Variants in SLC45A4 observed in about 807,000 individuals in gnomAD.
SLC45A4 encodes polyamine-transporter SLC45A4.
A neutral mutation model predicts 63.7 loss-of-function variants in SLC45A4; 32 were observed. That is an observed-to-expected ratio of 0.50 (90% CI 0.38 to 0.67). The LOEUF (loss-of-function observed/expected upper bound fraction) is 0.67, where lower values mean the gene tolerates loss of function less well. Ranked by LOEUF, SLC45A4 falls within the 30% of genes least tolerant of loss-of-function variation. SLC45A4 has a pLI of 0.00. For missense variants in SLC45A4, 1,027 were observed against 1,157.7 expected, an observed-to-expected ratio of 0.89 and a Z score of 1.64; for synonymous variants, 535 against 510.0, an observed-to-expected ratio of 1.05 and a Z score of -0.66.
chr8:141,257,919 C>A (rs947893904), intron 1 of SLC45A4, among the ~76,000 whole-genome samples: 1 of 152,200 alleles, frequency 6.6e-6, no homozygotes, highest in Admixed American at 6.5e-5. Context: ...AAAAATGCTT[C>A]ACCCCTTGAT....
At chr8:141,289,594 T>G (rs1830275059) in intron 1 of SLC45A4, among the ~76,000 whole-genome samples, 1 of 152,164 alleles carries the variant, frequency 6.6e-6, no homozygotes. Flanking sequence ...CCGGCTGGCC[T>G]GCTGAGAAGC....
Position 141,229,399 on chromosome 8 carries a change from C to T in SLC45A4, c.242-7634G>A, listed in dbSNP as rs911715038. ...CACACCAGACTCCAACCGCCCACCC[C>T]ACCCTACCTCCTCTTCTAGAAAACA... On this transcript the variant is annotated intron_variant, in intron 2 of 8. Coordinates refer to ENST00000517878, the MANE Select transcript of SLC45A4 (RefSeq NM_001286646.2). The surrounding 1 kb of genome is among the most constrained non-coding windows in gnomAD (Gnocchi z 5.0). Among the ~76,000 whole-genome samples the T allele has an allele frequency of 2.0e-5, 3 of 152,138 alleles. No individual in the cohort carries two copies. Among genetic ancestry groups the T allele is most frequent in the East Asian group, 3.9e-4 (2 of 5,160 alleles).
Position 141,307,912 on chromosome 8 carries a change from G to A in SLC45A4, c.-401+184C>T, listed in dbSNP as rs1830950838. ...AATTGGGGGGCCCTGAGGAGCCAGCGCAAGCCGGGTGGGGGCACGTCCCCT... is the reference window on the plus strand; with the variant it reads ...AATTGGGGGGCCCTGAGGAGCCAGCACAAGCCGGGTGGGGGCACGTCCCCT... On this transcript the variant is annotated intron_variant, in intron 1 of 8. Coordinates refer to ENST00000517878, the MANE Select transcript of SLC45A4 (RefSeq NM_001286646.2). Among the ~76,000 whole-genome samples, 3 of 149,604 alleles carry A rather than the reference G, an allele frequency of 2.0e-5. No homozygotes were observed. In the South Asian group the frequency reaches 6.3e-4, roughly 32 times the overall value.
At chr8:141,280,821 G>A (rs559358443) in intron 1 of SLC45A4, among the ~76,000 whole-genome samples, 129 of 152,346 alleles carry the variant, frequency 8.5e-4, no homozygotes, top group African/African-American at 2.9e-3. Flanking sequence ...GCAGAGAGCA[G>A]GTCCCTGTCC....
At chr8:141,236,841 C>T (rs576201193) in intron 2 of SLC45A4, among the ~76,000 whole-genome samples, 3 of 152,338 alleles carry the variant, frequency 2.0e-5, no homozygotes, top group Admixed American at 6.5e-5. Context: ...AGCCACTGGG[C>T]GGTGCCCAGT....
chr8:141,240,496 A>G (rs1333997263), intron 2 of SLC45A4, among the ~76,000 whole-genome samples: 1 of 152,224 alleles, frequency 6.6e-6, no homozygotes. Context: ...AGCGTGACTC[A>G]GAGACTGGGG....
chr8:141,299,517 C>T lies in SLC45A4; in HGVS notation c.-401+8579G>A, dbSNP rs190713397. 3.9e-5 allele frequency among the ~76,000 whole-genome samples: 6 copies of T among 152,266 alleles called. No homozygotes were observed. The East Asian group carries it at 5.8e-4, about 15-fold the overall frequency. The stretch of plus-strand genomic sequence containing the variant: ...ATCAGAGCTGCCCTTCAAATGGGCA[C>T]GGTTAGGGACAGCAGAGCGGCCGTG... On this transcript the variant is annotated intron_variant, in intron 1 of 8. Transcript: ENST00000517878.
intron 1 of SLC45A4, among the ~76,000 whole-genome samples, chr8:141,258,160 C>T (rs969577267): frequency 6.6e-6 from 1 of 151,708 alleles, no homozygotes; most frequent in South Asian, 2.1e-4. Flanking sequence ...GCTGGATCTG[C>T]CCCCTGGGTC....
intron 1 of SLC45A4, among the ~76,000 whole-genome samples, chr8:141,290,245 C>T (rs919378207): frequency 6.6e-6 from 1 of 152,034 alleles, no homozygotes; most frequent in African/African-American, 2.4e-5. Flanking sequence ...TGTGAGCTCA[C>T]CACACGTGCA....
intron 2 of SLC45A4, among the ~76,000 whole-genome samples, chr8:141,249,193 A>C (rs1828355684): frequency 1.3e-5 from 2 of 152,170 alleles, no homozygotes; most frequent in African/African-American, 4.8e-5. Context: ...GTCACCCTGG[A>C]AAGCACTGGA....
chr8:141,258,244 G>A (rs1049161529), intron 1 of SLC45A4, among the ~76,000 whole-genome samples: 2 of 152,022 alleles, frequency 1.3e-5, no homozygotes, highest in Admixed American at 6.6e-5. Flanking sequence ...AGAAGGCGAC[G>A]GTGGAGCCCT....
chr8:141,305,972 A>T (rs1055632625), intron 1 of SLC45A4, among the ~76,000 whole-genome samples: 1 of 152,202 alleles, frequency 6.6e-6, no homozygotes, highest in African/African-American at 2.4e-5. Flanking sequence ...CTCAGAGCTC[A>T]CGGAAAGGAG....
At chr8:141,226,143 G>C (rs1185793661) in intron 2 of SLC45A4, 2 of 152,344 alleles carry the variant, frequency 1.3e-5, no homozygotes, top group African/African-American at 2.4e-5. Context: ...ACACCCTGCG[G>C]TGTCAGGGCC....
intron 4 of SLC45A4, 131 bp from the exon 5 acceptor site, chr8:141,219,160 A>C (rs1464011442): frequency 3.8e-6 from 4 of 1,043,450 alleles, no homozygotes; most frequent in Non-Finnish European, 5.5e-6. Flanking sequence ...CTGGAGAAGG[A>C]GAAAGCAGTA....
chr8:141,255,782 C>G (rs1277646216), intron 1 of SLC45A4, among the ~76,000 whole-genome samples: 3 of 152,098 alleles, frequency 2.0e-5, no homozygotes, highest in African/African-American at 7.2e-5. Flanking sequence ...AAGTAGGAGG[C>G]TGGGTGGAAT....
rs369545884 is a variant in SLC45A4, at chr8:141,252,863, CTG to C, written c.241+1124_241+1125del. Reference sequence around the variant, plus strand: ...TGTTTTCATGCCCACCTGCCCGTGTCTGTGAATTTCTGTTTTCATATCCACCT... The same window carrying C: ...TGTTTTCATGCCCACCTGCCCGTGTCTGAATTTCTGTTTTCATATCCACCT... On this transcript the variant is annotated intron_variant, in intron 2 of 8. Transcript: ENST00000517878. 1.2e-3 allele frequency among the ~76,000 whole-genome samples: 175 copies of C among 147,534 alleles called. 2 individuals carry two copies. The highest frequency in any genetic ancestry group is 4.2e-3 in the African/African-American group (168 of 39,608).
At chr8:141,223,231 G>A (rs1476420781) in intron 2 of SLC45A4, among the ~76,000 whole-genome samples, 1 of 152,198 alleles carries the variant, frequency 6.6e-6, no homozygotes, top group Non-Finnish European at 1.5e-5. Context: ...TTCAGGAAGG[G>A]TACATTTTAT....
chr8:141,231,826 C>T (rs78290190), intron 2 of SLC45A4, among the ~76,000 whole-genome samples: 16,292 of 152,260 alleles, frequency 0.11, 1,097 homozygotes, highest in East Asian at 0.16. Context: ...GCTCTGTGTG[C>T]GCGAAGGCCC....
At chr8:141,244,431 G>A (rs1448397602) in intron 2 of SLC45A4, among the ~76,000 whole-genome samples, 1 of 152,214 alleles carries the variant, frequency 6.6e-6, no homozygotes, top group Admixed American at 6.5e-5. Flanking sequence ...GTTCAGTCCT[G>A]CAAGTCTTTG....
Sources: gnomAD v4.1 joint callset for allele counts (sites outside exome capture counted in the v4.1 genomes callset) on GRCh38, gnomAD v4.1.1 for gene constraint, Gnocchi (gnomAD v3.1) non-coding constraint, MANE v1.5 for transcripts, NCBI Gene and HGNC (gene_info 2026-07-23, HGNC 2026-07-21) for gene names.